Variants in DCAF7 observed in about 807,000 individuals in gnomAD.
DCAF7 encodes DDB1 and CUL4 associated factor 7, also known as DDB1- and CUL4-associated factor 7.
In DCAF7, 4 loss-of-function variants were observed where a neutral mutation model predicts 41.2. That is an observed-to-expected ratio of 0.10 (90% CI 0.05 to 0.22). DCAF7 has a LOEUF of 0.22. Among genes scored for constraint, DCAF7 ranks in the 10% least tolerant of loss-of-function variants. The pLI, the probability that DCAF7 is intolerant of heterozygous loss-of-function variation, is 1.00. For synonymous variants in DCAF7, 143 were observed against 164.2 expected, an observed-to-expected ratio of 0.87 and a Z score of 0.99; for missense variants, 131 against 443.2, an observed-to-expected ratio of 0.30 and a Z score of 6.32.
At chr17:63,560,788 G>C (rs1162884454) in intron 1 of DCAF7, among the ~76,000 whole-genome samples, 1 of 152,068 alleles carries the variant, frequency 6.6e-6, no homozygotes, top group East Asian at 1.9e-4. Context: ...TTCAGAAAGA[G>C]GAATAAACAG....
chr17:63,585,124 A>G, intron 5 of DCAF7, 87 bp from the exon 6 acceptor site: 1 of 1,094,336 alleles, frequency 9.1e-7, no homozygotes, highest in Non-Finnish European at 1.4e-6. Flanking sequence ...AATTATGCCT[A>G]AAAAGATTTT....
chr17:63,561,829 TA>T (rs2033384063), intron 1 of DCAF7, among the ~76,000 whole-genome samples: 1 of 152,138 alleles, frequency 6.6e-6, no homozygotes, highest in African/African-American at 2.4e-5. Flanking sequence ...AAAATTTTTT[TA>T]AGTTGAAATC....
chr17:63,564,168 C>CACACACACACACACACACAT (rs1344638012), intron 1 of DCAF7, among the ~76,000 whole-genome samples: 2 of 150,782 alleles, frequency 1.3e-5, no homozygotes, highest in African/African-American at 2.4e-5. Flanking sequence ...CACACATACA[C>CACACACACACACACACACAT]ATATATACAC....
intron 1 of DCAF7, among the ~76,000 whole-genome samples, chr17:63,568,559 T>C (rs1239373488): frequency 6.6e-6 from 1 of 152,170 alleles, no homozygotes; most frequent in Non-Finnish European, 1.5e-5. Flanking sequence ...CGTTGAAAGC[T>C]AGCTTAGTTG....
intron 1 of DCAF7, among the ~76,000 whole-genome samples, chr17:63,577,572 G>A (rs549544186): frequency 3.3e-5 from 5 of 152,236 alleles, no homozygotes; most frequent in South Asian, 2.1e-4. Flanking sequence ...CATCAATGGC[G>A]CCGACTTTTT....
chr17:63,579,851 A>G lies in DCAF7; in HGVS notation c.436A>G (p.Thr146Ala). ...TACCTCAAGCATTGATACGACATGC[A>G]CCATCTGGGGGCTGGAGACAGGGCA... ...LGTSSIDTTC[T>A]IWGLETGQVL... The change falls in exon 4 of 7, where the codon ACC becomes GCC. Residue 146 changes from threonine to alanine, a missense_variant. Physicochemically the swap from Thr to Ala is moderately conservative, Grantham distance 58 (BLOSUM62 0). Coordinates refer to ENST00000614556, the MANE Select transcript of DCAF7 (RefSeq NM_005828.5). 1 of 1,613,854 alleles carries G rather than the reference A, an allele frequency of 6.2e-7. No homozygotes were observed. Among genetic ancestry groups the G allele is most frequent in the Non-Finnish European group, 8.5e-7 (1 of 1,179,808 alleles).
At chr17:63,563,849 T>C (rs948180482) in intron 1 of DCAF7, among the ~76,000 whole-genome samples, 7 of 146,540 alleles carry the variant, frequency 4.8e-5, no homozygotes, top group African/African-American at 1.8e-4. Context: ...AAATAAATAA[T>C]AAAAATAAGT....
rs2033244973 is a variant in DCAF7, at chr17:63,550,926, C to G, written c.138+111C>G. The G allele has an allele frequency of 1.4e-6, 2 of 1,467,150 alleles. No individual in the cohort carries two copies. The highest frequency in any genetic ancestry group is 1.8e-6 in the Non-Finnish European group (2 of 1,104,396). The allele number at this position is 1,467,150 out of a possible 1,614,324, so 90.9% of individuals were successfully genotyped here. A position where few individuals can be genotyped will look rare whatever the true frequency, so the allele number is the denominator to read the frequency against. ...CCCTCTTGCGGACTCGCCCTAGGGC[C>G]ACGGAGCGGTTCCTCTGTCTGGCCC... On this transcript the variant is annotated intron_variant, in intron 1 of 6. Coordinates refer to ENST00000614556, the MANE Select transcript of DCAF7 (RefSeq NM_005828.5). The surrounding 1 kb of genome is among the most constrained non-coding windows in gnomAD (Gnocchi z 4.8).
Position 63,550,622 on chromosome 17 carries a change from C to G in DCAF7, c.-56C>G. 1.3e-6 allele frequency: 2 copies of G among 1,596,694 alleles called. No homozygotes were observed. The highest frequency in any genetic ancestry group is 1.7e-6 in the Non-Finnish European group (2 of 1,170,250). Reference sequence around the variant, plus strand: ...GGACCCATAGATCTCAGGCTCGGCTCCCCGCCCGCCGCAGCCCACTGTTGA... The same window carrying G: ...GGACCCATAGATCTCAGGCTCGGCTGCCCGCCCGCCGCAGCCCACTGTTGA... On this transcript the variant is annotated 5_prime_UTR_variant, in exon 1 of 7. Transcript: ENST00000614556. The surrounding 1 kb of genome is among the most constrained non-coding windows in gnomAD (Gnocchi z 4.8).
In DCAF7 at chr17:63,591,603, A is replaced by T. The variant is rs891554406; in HGVS notation, c.*2431A>T. The T allele has an allele frequency of 1.3e-5, 2 of 151,160 alleles. No individual in the cohort carries two copies. Among genetic ancestry groups the T allele is most frequent in the African/African-American group, 4.9e-5 (2 of 41,084 alleles). The allele number at this position is 151,160 out of a possible 1,614,324, so 9.4% of individuals were successfully genotyped here. A position where few individuals can be genotyped will look rare whatever the true frequency, so the allele number is the denominator to read the frequency against. The stretch of plus-strand genomic sequence containing the variant: ...GTCCCAGCTCTCTTACCCTCCCTTT[A>T]CTCCACCAGCCCGACGACCCATGAC... On this transcript the variant is annotated 3_prime_UTR_variant, in exon 7 of 7. Transcript: ENST00000614556.
chr17:63,571,966 G>C (rs909326857), intron 1 of DCAF7, among the ~76,000 whole-genome samples: 2 of 151,896 alleles, frequency 1.3e-5, no homozygotes, highest in African/African-American at 2.4e-5. Flanking sequence ...ACAAGCAGAA[G>C]TAAGACACAG....
At position 63,559,389 on chromosome 17, in the gene DCAF7, A is replaced by ATATATATGTGTG. The variant is rs1490432478; in HGVS notation, c.138+8581_138+8582insGTGTGTATATAT. Among the ~76,000 whole-genome samples, 18 of 47,616 alleles carry ATATATATGTGTG rather than the reference A, an allele frequency of 3.8e-4. 1 individual carries two copies. The highest frequency in any genetic ancestry group is 1.7e-3 in the African/African-American group (17 of 9,780). 31.2% of individuals were successfully genotyped at this position (47,616 alleles called of 152,430 possible). A position where few individuals can be genotyped will look rare whatever the true frequency, so the allele number is the denominator to read the frequency against. On this transcript the variant is annotated intron_variant, in intron 1 of 6. Coordinates refer to ENST00000614556, the MANE Select transcript of DCAF7 (RefSeq NM_005828.5). ...TATATATATATGTGTATATATATGT[A>ATATATATGTGTG]TATATATATGTATATATATGTATAT... is the stretch of plus-strand genomic sequence containing the variant.
intron 1 of DCAF7, among the ~76,000 whole-genome samples, chr17:63,555,711 G>C (rs1488910860): frequency 6.6e-6 from 1 of 152,080 alleles, no homozygotes; most frequent in African/African-American, 2.4e-5. Flanking sequence ...AAACTCTTCT[G>C]GTTTTAACTT....
intron 1 of DCAF7, among the ~76,000 whole-genome samples, chr17:63,575,103 G>C (rs1156726434): frequency 6.6e-6 from 1 of 152,192 alleles, no homozygotes; most frequent in African/African-American, 2.4e-5. Context: ...GATCACTTGA[G>C]GTCAGGAGTT....
intron 1 of DCAF7, among the ~76,000 whole-genome samples, chr17:63,570,522 A>C (rs923133818): frequency 6.6e-6 from 1 of 152,174 alleles, no homozygotes; most frequent in African/African-American, 2.4e-5. Context: ...TGGTCCTCTC[A>C]TATATATCCT....
intron 1 of DCAF7, among the ~76,000 whole-genome samples, chr17:63,562,968 A>T (rs977096781): frequency 7.9e-5 from 12 of 151,838 alleles, no homozygotes; most frequent in Admixed American, 7.9e-4. Context: ...AGAATTACAG[A>T]CGCACAACAC....
intron 6 of DCAF7, among the ~76,000 whole-genome samples, chr17:63,586,626 G>A (rs1380437995): frequency 2.0e-5 from 3 of 152,016 alleles, no homozygotes; most frequent in Admixed American, 6.6e-5. Context: ...GCTGGGCGTG[G>A]TGGCACATGC....
At chr17:63,555,063 A>G (rs1374168073) in intron 1 of DCAF7, among the ~76,000 whole-genome samples, 1 of 152,240 alleles carries the variant, frequency 6.6e-6, no homozygotes, top group Non-Finnish European at 1.5e-5. Flanking sequence ...TACGTAAGTC[A>G]GATATAAGAA....
intron 4 of DCAF7, 76 bp downstream of exon 4, chr17:63,580,019 C>A: frequency 9.4e-7 from 1 of 1,060,452 alleles, no homozygotes; most frequent in Non-Finnish European, 1.4e-6. Flanking sequence ...AGCTTGTTCT[C>A]TCATTGTTCT....
Sources: allele counts gnomAD v4.1 joint callset (sites outside exome capture counted in the v4.1 genomes callset), GRCh38; gene constraint gnomAD v4.1.1; non-coding constraint Gnocchi (gnomAD v3.1); transcripts MANE v1.5; gene names NCBI Gene and HGNC (gene_info 2026-07-23, HGNC 2026-07-21).